SOX5: variants seen among roughly 807,000 people sequenced by gnomAD.
SOX5 encodes transcription factor SOX-5.
A neutral mutation model predicts 92.0 loss-of-function variants in SOX5; 9 were observed. The observed-to-expected ratio is 0.10, with a 90% CI of 0.06 to 0.17. The LOEUF is 0.17. Among genes scored for constraint, SOX5 ranks in the 10% least tolerant of loss-of-function variants. The pLI is 1.00. For synonymous variants in SOX5, 344 were observed against 336.3 expected (o/e 1.02, Z -0.25); for missense variants, 642 against 944.5 (o/e 0.68, Z 4.20).
intron 9 of SOX5, among the ~76,000 whole-genome samples, chr12:23,598,547 T>C (rs1592423391): frequency 6.6e-6 from 1 of 151,580 alleles, no homozygotes; most frequent in African/African-American, 2.4e-5. Context: ...TACAGGCGCC[T>C]GCCACCACGC....
At chr12:23,866,000 G>A (rs1046441044) in intron 2 of SOX5, among the ~76,000 whole-genome samples, 2 of 152,198 alleles carry the variant, frequency 1.3e-5, no homozygotes, top group Admixed American at 1.3e-4. Context: ...ACAATCTCAT[G>A]ATAAAACTTG....
chr12:23,642,080 A>G (rs1288560604), intron 7 of SOX5, among the ~76,000 whole-genome samples: 3 of 152,148 alleles, frequency 2.0e-5, no homozygotes, highest in African/African-American at 4.8e-5. Context: ...GCGTATTTTT[A>G]TATTTGTCAT....
intron 8 of SOX5, among the ~76,000 whole-genome samples, chr12:23,623,312 A>G (rs1592680264): frequency 6.6e-6 from 1 of 152,180 alleles, no homozygotes; most frequent in Non-Finnish European, 1.5e-5. Flanking sequence ...ATAAACACTG[A>G]TATATTTTTA....
intron 2 of SOX5, among the ~76,000 whole-genome samples, chr12:23,862,683 A>C (rs191486747): frequency 6.6e-6 from 1 of 152,294 alleles, no homozygotes; most frequent in East Asian, 1.9e-4. Context: ...GTTTTGCCTT[A>C]TTCTTTCAAT....
chr12:23,889,243 A>T (rs963315197), intron 2 of SOX5, among the ~76,000 whole-genome samples: 13 of 152,218 alleles, frequency 8.5e-5, no homozygotes, highest in African/African-American at 3.1e-4. Context: ...ACTTATGCTA[A>T]GTTTGACGTA....
chr12:24,156,843 A>G (rs1033530432), intron 4 of SOX5, among the ~76,000 whole-genome samples: 17 of 152,128 alleles, frequency 1.1e-4, no homozygotes, highest in Admixed American at 6.6e-5. Context: ...GTTAATTGAG[A>G]AGGTAAAACT....
At chr12:23,674,898 C>A (rs188112880) in intron 6 of SOX5, among the ~76,000 whole-genome samples, 14 of 151,974 alleles carry the variant, frequency 9.2e-5, no homozygotes, top group Middle Eastern at 6.8e-3. Context: ...CGACATAGTA[C>A]CTGGCATAAA....
chr12:23,820,458 T>C (rs929588003), intron 3 of SOX5, among the ~76,000 whole-genome samples: 4 of 152,262 alleles, frequency 2.6e-5, no homozygotes, highest in Non-Finnish European at 5.9e-5. Context: ...TTGGCTTGTG[T>C]TGCAATTGCT....
chr12:23,764,767 C>G (rs1472788699), intron 3 of SOX5, among the ~76,000 whole-genome samples: 4 of 151,942 alleles, frequency 2.6e-5, no homozygotes, highest in Non-Finnish European at 5.9e-5. Flanking sequence ...AATAGAAAAC[C>G]ATTTAACATA....
At chr12:23,816,240 C>T (rs534824695) in intron 3 of SOX5, among the ~76,000 whole-genome samples, 11 of 147,672 alleles carry the variant, frequency 7.4e-5, no homozygotes, top group African/African-American at 1.0e-4. Flanking sequence ...GATGGAGTCT[C>T]GGTCTGTCGC....
At chr12:23,771,510 G>T (rs987971904) in intron 3 of SOX5, among the ~76,000 whole-genome samples, 1 of 152,178 alleles carries the variant, frequency 6.6e-6, no homozygotes, top group East Asian at 1.9e-4. Flanking sequence ...GGTCGGGATT[G>T]AATAACCAAT....
At chr12:24,254,738 T>TATATATATATATATATATATATATATATA (rs1565761318) in intron 3 of SOX5, among the ~76,000 whole-genome samples, 8 of 151,436 alleles carry the variant, frequency 5.3e-5, no homozygotes, top group South Asian at 2.1e-4. Context: ...TATATATATA[T>TATATATATATATATATATATATATATATA]TTCCTATGAC....
intron 1 of SOX5, among the ~76,000 whole-genome samples, chr12:24,412,686 T>C (rs1459156456): frequency 6.6e-6 from 1 of 152,148 alleles, no homozygotes; most frequent in Non-Finnish European, 1.5e-5. Flanking sequence ...TGAGATTTGT[T>C]TCCTGGCCCA....
chr12:23,560,480 C>T (rs1482441985), intron 11 of SOX5, among the ~76,000 whole-genome samples: 1 of 152,088 alleles, frequency 6.6e-6, no homozygotes, highest in Non-Finnish European at 1.5e-5. Flanking sequence ...ACATATCTAC[C>T]TTTGTCAACT....
At chr12:24,248,649 T>TC in intron 3 of SOX5, among the ~76,000 whole-genome samples, 1 of 152,324 alleles carries the variant, frequency 6.6e-6, no homozygotes, top group African/African-American at 2.4e-5. Flanking sequence ...CCTCCCAAAG[T>TC]GCTGAGATTA....
intron 2 of SOX5, among the ~76,000 whole-genome samples, chr12:24,344,782 G>C (rs1953035089): frequency 6.6e-6 from 1 of 152,076 alleles, no homozygotes; most frequent in African/African-American, 2.4e-5. Flanking sequence ...CGAAACAAAG[G>C]CTTGTACTTT....
chr12:24,083,954 T>G (rs2137651217), intron 4 of SOX5, among the ~76,000 whole-genome samples: 1 of 152,020 alleles, frequency 6.6e-6, no homozygotes, highest in East Asian at 1.9e-4. Flanking sequence ...GATAGAGAAC[T>G]AGAAAAACAA....
chr12:23,705,655 C>A (rs1180276357), intron 6 of SOX5, among the ~76,000 whole-genome samples: 1 of 151,896 alleles, frequency 6.6e-6, no homozygotes, highest in Admixed American at 6.6e-5. Context: ...TGGGTGGTAC[C>A]CTTTACAAAC....
chr12:24,378,712 A>G (rs1275099953), intron 1 of SOX5, among the ~76,000 whole-genome samples: 2 of 152,246 alleles, frequency 1.3e-5, no homozygotes, highest in African/African-American at 2.4e-5. Flanking sequence ...TAAATAAAGC[A>G]AAGTGGAGCT....
Sources: allele counts gnomAD v4.1 joint callset (sites outside exome capture counted in the v4.1 genomes callset), GRCh38; gene constraint gnomAD v4.1.1; transcripts MANE v1.5; gene names NCBI Gene and HGNC (gene_info 2026-07-23, HGNC 2026-07-21).